RFX4: variants seen among roughly 807,000 people sequenced by gnomAD.
The protein encoded by RFX4 is transcription factor RFX4.
In RFX4, 10 loss-of-function variants were observed where a neutral mutation model predicts 95.0. The ratio of observed to expected loss-of-function variants is 0.11; its 90% CI spans 0.06 to 0.18. RFX4 has a LOEUF of 0.18. RFX4 is among the 10% of genes least tolerant of loss of function. The probability of loss-of-function intolerance (pLI) is 1.00; values close to 1 mark genes in which losing one functional copy is unlikely to be tolerated. For synonymous variants in RFX4, 321 were observed against 340.7 expected (o/e 0.94, Z 0.64); for missense variants, 640 against 922.0 (o/e 0.69, Z 3.96).
At chr12:106,733,307 A>C (rs1426945425) in intron 15 of RFX4, 1 of 435,592 alleles carries the variant, frequency 2.3e-6, no homozygotes, top group Non-Finnish European at 4.1e-6. Context: ...TGATACAGTG[A>C]GACCTTGTCT....
Position 106,583,310 on chromosome 12 carries a change from A to G in RFX4, c.-11A>G, listed in dbSNP as rs1182024587. 6.3e-7 allele frequency: 1 copy of G among 1,577,556 alleles called. No homozygotes were observed. Among genetic ancestry groups the G allele is most frequent in the South Asian group, 1.2e-5 (1 of 85,900 alleles). On this transcript the variant is annotated 5_prime_UTR_variant, in exon 1 of 18. The change abolishes an upstream ATG in the 5' untranslated region. Coordinates refer to ENST00000392842, the MANE Select transcript of RFX4 (RefSeq NM_213594.3). ...CTTTTGGGGGGCGCCTGTGCTGTCC[A>G]TGGGAAGAGCATGCATTGTGGGTTA...
At chr12:106,751,354 G>A (rs1222514226) in intron 17 of RFX4, among the ~76,000 whole-genome samples, 1 of 141,904 alleles carries the variant, frequency 7.0e-6, no homozygotes, top group Non-Finnish European at 1.5e-5. Flanking sequence ...CATTTGGGTT[G>A]GTTCCAAGTC....
Position 106,733,058 on chromosome 12 carries a change from C to G in RFX4, c.1606C>G (p.Pro536Ala), listed in dbSNP as rs1473233838. The change falls in exon 15 of 18, where the codon CCT (proline) becomes GCT (alanine). Residue 536 changes from proline (P) to alanine (A), a missense_variant. Physicochemically the swap from Pro to Ala is conservative, Grantham distance 27. This residue lies in a region of RFX4 where 300 missense variants were observed against 346.8 expected (regional missense o/e 0.87). Transcript: ENST00000392842. ...PPSSPVSNPS[P>A]EYTGLSTTGA... is the part of the protein sequence containing the mutation. The stretch of plus-strand genomic sequence containing the variant: ...CTCTTCCCCTGTTAGCAATCCTTCC[C>G]CTGAGTACACTGGCCTCAGCACTAC... The G allele has an allele frequency of 6.2e-7, 1 of 1,614,056 alleles. No individual in the cohort carries two copies. The highest frequency in any genetic ancestry group is 1.3e-5 in the African/African-American group (1 of 74,928).
chr12:106,604,901 C>T (rs2039793767), intron 1 of RFX4, among the ~76,000 whole-genome samples: 1 of 152,132 alleles, frequency 6.6e-6, no homozygotes, highest in African/African-American at 2.4e-5. Context: ...CTAAACAGGA[C>T]ATAGAAAAAG....
At chr12:106,749,599 C>A (rs746780290) in intron 16 of RFX4, among the ~76,000 whole-genome samples, 3 of 152,036 alleles carry the variant, frequency 2.0e-5, no homozygotes, top group Non-Finnish European at 4.4e-5. Context: ...GCAGAAATAG[C>A]AGAAAAAATA....
At chr12:106,674,047 G>A (rs2041342961) in intron 4 of RFX4, among the ~76,000 whole-genome samples, 1 of 152,166 alleles carries the variant, frequency 6.6e-6, no homozygotes, top group Non-Finnish European at 1.5e-5. Flanking sequence ...AGCTTACAAA[G>A]GCCTGCAAGG....
intron 7 of RFX4, chr12:106,693,145 A>C (rs1185918142): frequency 4.6e-6 from 2 of 436,134 alleles, no homozygotes; most frequent in East Asian, 1.5e-4. Flanking sequence ...CCTAACTTCC[A>C]AGCCTTAGTG....
intron 3 of RFX4, among the ~76,000 whole-genome samples, chr12:106,646,564 G>A (rs11113069): frequency 0.069 from 10,447 of 151,804 alleles, 800 homozygotes; most frequent in African/African-American, 0.2. Flanking sequence ...CAAACCCAGC[G>A]TAGGAATTGG....
At chr12:106,688,006 T>C (rs532334432) in intron 6 of RFX4, among the ~76,000 whole-genome samples, 3 of 152,222 alleles carry the variant, frequency 2.0e-5, no homozygotes, top group South Asian at 2.1e-4. Flanking sequence ...CATAGAATAT[T>C]TGGAGCAAGT....
Position 106,761,270 on chromosome 12 carries a change from C to CA in RFX4, c.2010dup (p.Val671SerfsTer29). On this transcript the variant is annotated frameshift_variant, in exon 18 of 18. Coordinates refer to ENST00000392842, the MANE Select transcript of RFX4 (RefSeq NM_213594.3). LOFTEE classifies it high-confidence loss of function. Reference sequence around the variant, plus strand: ...AGTACTCCCAGACTGCATCCTACCCCAGTCACTCCCCGCTGGCCAGAGGTG... The same window carrying CA: ...AGTACTCCCAGACTGCATCCTACCCCAAGTCACTCCCCGCTGGCCAGAGGTG... 1 of 1,614,136 alleles carries CA rather than the reference C, an allele frequency of 6.2e-7. No individual in the cohort carries two copies. The highest frequency in any genetic ancestry group is 8.5e-7 in the Non-Finnish European group (1 of 1,180,020).
In RFX4 at chr12:106,732,225, G is replaced by A. The variant is rs150465956; in HGVS notation, c.1447G>A (p.Ala483Thr). The A allele has an allele frequency of 6.2e-7, 1 of 1,614,032 alleles. No individual in the cohort carries two copies. Among genetic ancestry groups the A allele is most frequent in the Non-Finnish European group, 8.5e-7 (1 of 1,179,916 alleles). The change falls in exon 14 of 18, where the codon GCC becomes ACC. Residue 483 changes from alanine to threonine, a missense_variant. Ala to Thr is a moderately conservative substitution (Grantham distance 58, BLOSUM62 0). Coordinates refer to ENST00000392842, the MANE Select transcript of RFX4 (RefSeq NM_213594.3). ...GGAGCGGGCCAATGAGCTCATGCGA[G>A]CCATGAAGGGAGAAGGAAGCACTGG... ...CQERANELMR[A>T]MKGEGSTAEV...
chr12:106,745,851 C>T (rs1341536810), intron 15 of RFX4, among the ~76,000 whole-genome samples: 1 of 152,122 alleles, frequency 6.6e-6, no homozygotes, highest in Non-Finnish European at 1.5e-5. Context: ...TTCCACCATA[C>T]TAACATATTT....
chr12:106,638,712 T>C (rs1361320300), intron 2 of RFX4, among the ~76,000 whole-genome samples: 1 of 152,228 alleles, frequency 6.6e-6, no homozygotes, highest in East Asian at 1.9e-4. Flanking sequence ...ATCAAGGCAA[T>C]AGCAGATTTG....
chr12:106,704,365 A>C (rs2042045353), intron 8 of RFX4, among the ~76,000 whole-genome samples: 1 of 152,238 alleles, frequency 6.6e-6, no homozygotes, highest in South Asian at 2.1e-4. Context: ...CAAGGCTTAC[A>C]AATCAAGTGC....
chr12:106,687,676 G>A (rs539454986), intron 6 of RFX4, among the ~76,000 whole-genome samples: 5 of 152,286 alleles, frequency 3.3e-5, no homozygotes, highest in African/African-American at 9.6e-5. Context: ...CAATTGGGGT[G>A]AGGCATATGG....
At chr12:106,747,708 C>T (rs1413720932) in intron 16 of RFX4, 109 bp downstream of exon 16, 22 of 1,263,092 alleles carry the variant, frequency 1.7e-5, no homozygotes, top group Non-Finnish European at 2.4e-5. Flanking sequence ...CCAAGGTGGG[C>T]CTTGAAGTCA....
chr12:106,660,596 A>G (rs2041051305), intron 4 of RFX4, among the ~76,000 whole-genome samples: 1 of 152,084 alleles, frequency 6.6e-6, no homozygotes, highest in African/African-American at 2.4e-5. Flanking sequence ...AAAAGAGAAC[A>G]TCTCTAGCCT....
chr12:106,667,914 C>T (rs545023485), intron 4 of RFX4, among the ~76,000 whole-genome samples: 2 of 152,250 alleles, frequency 1.3e-5, no homozygotes, highest in Admixed American at 6.5e-5. Context: ...TTGTCAATAT[C>T]GGATTTCTGA....
intron 8 of RFX4, among the ~76,000 whole-genome samples, chr12:106,705,276 C>T (rs1000896206): frequency 6.6e-6 from 1 of 152,212 alleles, no homozygotes; most frequent in African/African-American, 2.4e-5. Flanking sequence ...GTAACAGCAT[C>T]ACTGCTGATG....
Sources: gnomAD v4.1 joint callset for allele counts (sites outside exome capture counted in the v4.1 genomes callset) on GRCh38, gnomAD v4.1.1 for gene constraint, gnomAD v4.1.1 regional missense constraint, MANE v1.5 for transcripts, NCBI Gene and HGNC (gene_info 2026-07-23, HGNC 2026-07-21) for gene names.